Variants in MCUR1 observed in about 807,000 individuals in gnomAD.
The protein encoded by MCUR1 is MCU regulator 1.
A neutral mutation model predicts 42.0 loss-of-function variants in MCUR1; 37 were observed. The observed-to-expected ratio is 0.88, with a 90% CI of 0.68 to 1.16. MCUR1 has a LOEUF of 1.16. Among genes scored for constraint, MCUR1 ranks in the 50% most tolerant of loss-of-function variants. The pLI, the probability that MCUR1 is intolerant of heterozygous loss-of-function variation, is 0.00. For synonymous variants in MCUR1, 229 were observed against 196.2 expected, an observed-to-expected ratio of 1.17 and a Z score of -1.40; for missense variants, 469 against 468.4, an observed-to-expected ratio of 1.00 and a Z score of -0.01.
chr6:13,814,337 C>G lies in MCUR1; in HGVS notation c.93G>C (p.Pro31=). The change falls in exon 1 of 9, where the codon CCG becomes CCC. Residue 31 remains proline, a synonymous_variant. Coordinates refer to ENST00000379170, the MANE Select transcript of MCUR1 (RefSeq NM_001031713.4). ...LFLPVGLSGR[P]GGSETSARRC... ...GGCGTGCTGAGGTTTCGCTGCCGCC[C>G]GGTCTTCCGCTGAGGCCCACGGGCA... 3 of 1,511,368 alleles carry G rather than the reference C, an allele frequency of 2.0e-6. No individual in the cohort carries two copies. The highest frequency in any genetic ancestry group is 2.6e-6 in the Non-Finnish European group (3 of 1,137,068). 93.6% of individuals were successfully genotyped at this position (1,511,368 alleles called of 1,614,324 possible). A position where few individuals can be genotyped will look rare whatever the true frequency, so the allele number is the denominator to read the frequency against.
At chr6:13,799,244 G>T (rs2113463457) in intron 5 of MCUR1, among the ~76,000 whole-genome samples, 1 of 150,850 alleles carries the variant, frequency 6.6e-6, no homozygotes, top group Admixed American at 6.6e-5. Context: ...GGAGTGCAAT[G>T]GGGTGATCTC....
chr6:13,794,089 G>T, intron 6 of MCUR1, 142 bp from the exon 7 acceptor site: 2 of 651,078 alleles, frequency 3.1e-6, no homozygotes, highest in Non-Finnish European at 5.3e-6. Context: ...TAGCCTACCT[G>T]CTTCTTTATA....
chr6:13,810,987 T>A (rs753795208), intron 1 of MCUR1, among the ~76,000 whole-genome samples: 1 of 152,248 alleles, frequency 6.6e-6, no homozygotes, highest in African/African-American at 2.4e-5. Flanking sequence ...TTTCCTGCAA[T>A]TGCATGCTTA....
At chr6:13,801,938 T>C (rs1394944613) in intron 3 of MCUR1, among the ~76,000 whole-genome samples, 2 of 152,176 alleles carry the variant, frequency 1.3e-5, no homozygotes, top group African/African-American at 4.8e-5. Flanking sequence ...AGGGTGGTGA[T>C]GTGAAGACTC....
chr6:13,794,087 C>T, intron 6 of MCUR1, 140 bp from the exon 7 acceptor site: 2 of 672,562 alleles, frequency 3.0e-6, no homozygotes, highest in Non-Finnish European at 5.1e-6. Context: ...AGTAGCCTAC[C>T]TGCTTCTTTA....
intron 8 of MCUR1, 141 bp from the exon 9 acceptor site, chr6:13,791,005 C>G: frequency 1.8e-6 from 1 of 563,880 alleles, no homozygotes; most frequent in South Asian, 2.2e-5. Context: ...GAAACGCCTG[C>G]CTACTGAAAA....
At chr6:13,795,765 A>T (rs186837110) in intron 6 of MCUR1, among the ~76,000 whole-genome samples, 11 of 152,254 alleles carry the variant, frequency 7.2e-5, no homozygotes, top group Admixed American at 7.2e-4. Flanking sequence ...GAGGGGCAAG[A>T]CTACACATTG....
intron 4 of MCUR1, 149 bp downstream of exon 4, chr6:13,801,139 G>A: frequency 1.6e-6 from 1 of 611,808 alleles, no homozygotes; most frequent in Non-Finnish European, 2.9e-6. Context: ...GGGACAGTGG[G>A]CAAGTTTTCC....
chr6:13,795,121 T>TAA lies in MCUR1; in HGVS notation c.856-1175_856-1174insTT, dbSNP rs1392137160. Among the ~76,000 whole-genome samples, 5 of 104,394 alleles carry TAA rather than the reference T, an allele frequency of 4.8e-5. No homozygotes were observed. In the South Asian group the frequency reaches 1.4e-3, roughly 30 times the overall value. 68.5% of individuals were successfully genotyped at this position (104,394 alleles called of 152,430 possible). A position where few individuals can be genotyped will look rare whatever the true frequency, so the allele number is the denominator to read the frequency against. On this transcript the variant is annotated intron_variant, in intron 6 of 8. Coordinates refer to ENST00000379170, the MANE Select transcript of MCUR1 (RefSeq NM_001031713.4). ...CCTGGGACTACTGGGAGCTTAGAAG[T>TAA]AGAAAAAAAAAAAAGAAAAAAAAGA...
chr6:13,804,075 C>A (rs1156632908), intron 2 of MCUR1: 13 of 867,704 alleles, frequency 1.5e-5, no homozygotes, highest in African/African-American at 1.8e-5. Flanking sequence ...AATCCCAGCA[C>A]TTTAGGAGGC....
chr6:13,814,204 G>A lies in MCUR1; in HGVS notation c.226C>T (p.Pro76Ser), dbSNP rs1171627115. Residue 76 changes from proline to serine, a missense_variant, in exon 1 of 9, where the codon CCC (proline) becomes TCC (serine). Coordinates refer to ENST00000379170, the MANE Select transcript of MCUR1 (RefSeq NM_001031713.4). The part of the protein sequence containing the change: ...ASPLLLLLLV[P>S]SPRLAAAAPR... Reference sequence around the variant, plus strand: ...GCTGCGGCGGCCAAGCGCGGGGAGGGCACTAGCAGGAGGAGGAGCAGCGGT... The same window carrying A: ...GCTGCGGCGGCCAAGCGCGGGGAGGACACTAGCAGGAGGAGGAGCAGCGGT... 2.1e-6 allele frequency: 3 copies of A among 1,435,782 alleles called. No individual in the cohort carries two copies. Among genetic ancestry groups the A allele is most frequent in the East Asian group, 3.0e-5 (1 of 32,814 alleles). 88.9% of individuals were successfully genotyped at this position (1,435,782 alleles called of 1,614,324 possible). A position where few individuals can be genotyped will look rare whatever the true frequency, so the allele number is the denominator to read the frequency against.
At chr6:13,793,475 C>A (rs751095754) in intron 7 of MCUR1, among the ~76,000 whole-genome samples, 13 of 152,172 alleles carry the variant, frequency 8.5e-5, no homozygotes, top group Non-Finnish European at 1.3e-4. Context: ...CATGGATGAA[C>A]CTTCAGGACA....
chr6:13,813,935 G>A (rs1401055044), intron 1 of MCUR1, 80 bp downstream of exon 1: 3 of 1,212,080 alleles, frequency 2.5e-6, no homozygotes, highest in East Asian at 3.3e-5. Flanking sequence ...CCTTTCCTCG[G>A]GGAGGCTGTA....
chr6:13,811,678 C>T (rs1034538081), intron 1 of MCUR1, among the ~76,000 whole-genome samples: 9 of 152,090 alleles, frequency 5.9e-5, no homozygotes, highest in Admixed American at 3.3e-4. Context: ...TGTCAGGGAG[C>T]TCGAAAACAC....
rs933838470 is a variant in MCUR1, at chr6:13,803,906, G to A, written c.536-1560C>T. 9 of 975,286 alleles carry A rather than the reference G, an allele frequency of 9.2e-6. No homozygotes were observed. The East Asian group carries it at 9.1e-4, about 99-fold the overall frequency. The allele number at this position is 975,286 out of a possible 1,614,324, so 60.4% of individuals were successfully genotyped here. ...CTAACACTCTGGGAGACCAAGGCGG[G>A]AGGATCTTTGAGCCCAGGAGTTCAG... On this transcript the variant is annotated intron_variant, in intron 2 of 8. Coordinates refer to ENST00000379170, the MANE Select transcript of MCUR1 (RefSeq NM_001031713.4).
rs1380469943 is a variant in MCUR1, at chr6:13,798,751, A to G, written c.855+82T>C. The G allele has an allele frequency of 6.2e-6, 6 of 968,344 alleles. No homozygotes were observed. In the Admixed American group the frequency reaches 8.4e-5, roughly 14 times the overall value. The allele number at this position is 968,344 out of a possible 1,614,324, so 60.0% of individuals were successfully genotyped here. On this transcript the variant is annotated intron_variant, in intron 6 of 8. Coordinates refer to ENST00000379170, the MANE Select transcript of MCUR1 (RefSeq NM_001031713.4). ...ATAAATATTTAACAGTACCTATGAC[A>G]TGTACATAAACTTAGGCTTAACCAA...
chr6:13,794,939 C>A (rs1759822662), intron 6 of MCUR1, among the ~76,000 whole-genome samples: 1 of 152,120 alleles, frequency 6.6e-6, no homozygotes, highest in African/African-American at 2.4e-5. Flanking sequence ...AGATTGAAAT[C>A]AGACTTATCT....
At chr6:13,811,829 C>T (rs1760241455) in intron 1 of MCUR1, among the ~76,000 whole-genome samples, 2 of 152,002 alleles carry the variant, frequency 1.3e-5, no homozygotes, top group South Asian at 4.2e-4. Flanking sequence ...AATCACATGA[C>T]TACTTTGTAA....
Position 13,791,923 on chromosome 6 carries a change from T to G in MCUR1, c.979A>C (p.Thr327Pro). 1.2e-6 allele frequency: 2 copies of G among 1,613,932 alleles called. No individual in the cohort carries two copies. Among genetic ancestry groups the G allele is most frequent in the Non-Finnish European group, 1.7e-6 (2 of 1,179,912 alleles). ...KIETEVAGLKTMLESHKLDNI... is the reference protein window; with the variant it reads ...KIETEVAGLKPMLESHKLDNI... ...TCAAGCTTGTGTGACTCAAGCATGGTTTTGAGGCCAGCAACCTCAGTTTCG... is the reference window on the plus strand; with the variant it reads ...TCAAGCTTGTGTGACTCAAGCATGGGTTTGAGGCCAGCAACCTCAGTTTCG... The change falls in exon 8 of 9, where the codon ACC becomes CCC. Residue 327 changes from threonine to proline, a missense_variant. Coordinates refer to ENST00000379170, the MANE Select transcript of MCUR1 (RefSeq NM_001031713.4).
Sources: gnomAD v4.1 joint callset for allele counts (sites outside exome capture counted in the v4.1 genomes callset) on GRCh38, gnomAD v4.1.1 for gene constraint, MANE v1.5 for transcripts, NCBI Gene and HGNC (gene_info 2026-07-23, HGNC 2026-07-21) for gene names.